The following CSMD1 variants were observed in gnomAD, a reference collection of about 807,000 sequenced individuals.
CSMD1 encodes the protein CUB and Sushi multiple domains 1.
In CSMD1, 213 loss-of-function variants were observed where a neutral mutation model predicts 417.5. The ratio of observed to expected loss-of-function variants is 0.51; its 90% CI spans 0.46 to 0.57. CSMD1 has a LOEUF of 0.57. CSMD1 is among the 20% of genes least tolerant of loss of function. The pLI is 0.00. For missense variants in CSMD1, 6,923 were observed against 4,529.7 expected (o/e 1.53, Z -15.17); for synonymous variants, 2,862 against 1,736.8 (o/e 1.65, Z -16.11).
chr8:3,230,811 CAA>C (rs1798791426), intron 26 of CSMD1, among the ~76,000 whole-genome samples: 2 of 152,070 alleles, frequency 1.3e-5, no homozygotes, highest in South Asian at 2.1e-4. Context: ...CCAAGTTGGA[CAA>C]TATATTATAT....
At position 3,744,007 on chromosome 8, in the gene CSMD1, A is replaced by G. The variant is rs77386794; in HGVS notation, c.931+9923T>C. Among the ~76,000 whole-genome samples, 86 of 152,306 alleles carry G rather than the reference A, an allele frequency of 5.6e-4. 1 individual carries two copies. In the East Asian group the frequency reaches 0.016, roughly 29 times the overall value. On this transcript the variant is annotated intron_variant, in intron 6 of 69. Coordinates refer to ENST00000635120, the MANE Select transcript of CSMD1 (RefSeq NM_033225.6). ...TACCCCCGTTACATGAAAATTGTGT[A>G]TTTCTCAATATCCTGCCCTTTCCCC...
intron 25 of CSMD1, among the ~76,000 whole-genome samples, chr8:3,288,814 T>A (rs1280264398): frequency 2.7e-5 from 4 of 147,384 alleles, no homozygotes; most frequent in African/African-American, 1.1e-4. Context: ...TTCCTATAAT[T>A]GTATTTCTTT....
chr8:3,118,642 C>G, intron 41 of CSMD1, 55 bp from the exon 42 acceptor site: 3 of 1,517,068 alleles, frequency 2.0e-6, no homozygotes, highest in South Asian at 1.2e-5. Flanking sequence ...TAAATTACTT[C>G]GGAATTTGCA....
At chr8:4,148,264 A>C (rs1408029813) in intron 3 of CSMD1, among the ~76,000 whole-genome samples, 1 of 151,526 alleles carries the variant, frequency 6.6e-6, no homozygotes, top group Non-Finnish European at 1.5e-5. Context: ...AAACTATCAC[A>C]AGGACAAAAA....
intron 5 of CSMD1, among the ~76,000 whole-genome samples, chr8:3,861,256 C>G (rs998811434): frequency 6.6e-6 from 1 of 152,198 alleles, no homozygotes; most frequent in African/African-American, 2.4e-5. Flanking sequence ...GACCAACGTA[C>G]TATGTACCTG....
chr8:4,353,853 T>C (rs1319589444), intron 3 of CSMD1, among the ~76,000 whole-genome samples: 1 of 152,218 alleles, frequency 6.6e-6, no homozygotes, highest in African/African-American at 2.4e-5. Flanking sequence ...CACTTAATTA[T>C]GGCTCATCTG....
intron 12 of CSMD1, among the ~76,000 whole-genome samples, chr8:3,449,814 A>G (rs1815571997): frequency 6.6e-6 from 1 of 152,216 alleles, no homozygotes; most frequent in South Asian, 2.1e-4. Flanking sequence ...CACTGCACCT[A>G]GCCGAGAGCA....
intron 22 of CSMD1, among the ~76,000 whole-genome samples, chr8:3,347,731 G>C (rs946264666): frequency 4.6e-5 from 7 of 152,174 alleles, no homozygotes; most frequent in African/African-American, 1.7e-4. Flanking sequence ...GATCAAAAGT[G>C]TTAAATAACT....
chr8:3,971,636 T>C (rs1254563777), intron 5 of CSMD1, among the ~76,000 whole-genome samples: 2 of 151,978 alleles, frequency 1.3e-5, no homozygotes, highest in African/African-American at 2.4e-5. Context: ...CTCAAGGGAG[T>C]CTCAAGACAA....
chr8:3,191,017 A>C (rs1377986508), intron 33 of CSMD1, among the ~76,000 whole-genome samples: 1 of 152,212 alleles, frequency 6.6e-6, no homozygotes, highest in Admixed American at 6.5e-5. Context: ...TTTCACTTAC[A>C]TAAAATGAGT....
chr8:4,775,771 T>A (rs1004607113), intron 1 of CSMD1, among the ~76,000 whole-genome samples: 2 of 152,306 alleles, frequency 1.3e-5, no homozygotes, highest in East Asian at 3.9e-4. Context: ...CTCACTCGTG[T>A]GGATGTGGAT....
intron 55 of CSMD1, among the ~76,000 whole-genome samples, 158 bp from the exon 56 acceptor site, chr8:2,974,782 A>T (rs370103575): frequency 1.8e-4 from 27 of 152,366 alleles, no homozygotes; most frequent in African/African-American, 6.5e-4. Flanking sequence ...ACCAATTTTC[A>T]GATGACACTT....
intron 1 of CSMD1, among the ~76,000 whole-genome samples, chr8:4,671,582 T>C (rs536328295): frequency 7.9e-5 from 12 of 152,334 alleles, no homozygotes; most frequent in African/African-American, 2.9e-4. Flanking sequence ...ACACTTTGAA[T>C]AGTCTCAAAC....
intron 5 of CSMD1, among the ~76,000 whole-genome samples, chr8:3,968,004 T>TTAAAAAAA (rs1491576891): frequency 1.0e-5 from 1 of 98,918 alleles, no homozygotes; most frequent in Non-Finnish European, 1.9e-5. Context: ...CGTCACTGCT[T>TTAAAAAAA]AAAAAAAAAA....
intron 3 of CSMD1, among the ~76,000 whole-genome samples, chr8:4,158,407 C>T (rs1298307387): frequency 2.0e-5 from 3 of 151,584 alleles, no homozygotes; most frequent in Non-Finnish European, 2.9e-5. Context: ...ATCACTATTG[C>T]AAAAGGATAT....
intron 7 of CSMD1, among the ~76,000 whole-genome samples, chr8:3,634,968 C>T: frequency 6.6e-6 from 1 of 152,118 alleles, no homozygotes; most frequent in East Asian, 1.9e-4. Context: ...ATGCAGGCAA[C>T]TCTAACACAA....
chr8:4,655,308 C>A (rs963363775), intron 1 of CSMD1, among the ~76,000 whole-genome samples: 2 of 152,078 alleles, frequency 1.3e-5, no homozygotes, highest in Non-Finnish European at 2.9e-5. Context: ...CCTGGCTGAT[C>A]CTAGTTCCTC....
chr8:4,324,634 G>A (rs374599424), intron 3 of CSMD1, among the ~76,000 whole-genome samples: 41 of 152,264 alleles, frequency 2.7e-4, no homozygotes, highest in African/African-American at 9.4e-4. Flanking sequence ...CCATACAGAA[G>A]AAAACAAACA....
At chr8:4,903,381 G>C (rs1805026167) in intron 1 of CSMD1, among the ~76,000 whole-genome samples, 1 of 152,138 alleles carries the variant, frequency 6.6e-6, no homozygotes, top group African/African-American at 2.4e-5. Flanking sequence ...AATTCAGGAA[G>C]CTTCATGTCT....
Sources: gnomAD v4.1 joint callset for allele counts (sites outside exome capture counted in the v4.1 genomes callset) on GRCh38, gnomAD v4.1.1 for gene constraint, MANE v1.5 for transcripts, NCBI Gene and HGNC (gene_info 2026-07-23, HGNC 2026-07-21) for gene names.